POLN: variants seen among roughly 807,000 people sequenced by gnomAD.
POLN encodes the protein DNA polymerase nu.
Under a neutral mutation model 113.5 loss-of-function variants are expected in POLN, and 108 were observed. The observed-to-expected ratio is 0.95, with a 90% CI of 0.81 to 1.12. The LOEUF (loss-of-function observed/expected upper bound fraction) is 1.12. Ranked by LOEUF, POLN falls within the 50% of genes most tolerant of loss-of-function variation. The pLI is 0.00. For synonymous variants in POLN, 386 were observed against 391.5 expected (o/e 0.99, Z 0.17); for missense variants, 1,097 against 1,077.1 (o/e 1.02, Z -0.26).
chr4:2,156,738 G>C (rs1732443146), intron 16 of POLN, 50 bp downstream of exon 16: 2 of 1,497,700 alleles, frequency 1.3e-6, no homozygotes, highest in Middle Eastern at 1.7e-4. Flanking sequence ...AACTTCAATA[G>C]CAAGGCAGGA....
At chr4:2,097,673 T>G (rs1730827785) in intron 19 of POLN, among the ~76,000 whole-genome samples, 2 of 152,180 alleles carry the variant, frequency 1.3e-5, no homozygotes, top group South Asian at 4.1e-4. Context: ...AGTTTTTTCT[T>G]ATTTTTCTTT....
intron 13 of POLN, among the ~76,000 whole-genome samples, chr4:2,163,359 A>C (rs138941976): frequency 0.036 from 5,430 of 152,316 alleles, 133 homozygotes; most frequent in Middle Eastern, 0.17. Flanking sequence ...CTCACAAAAT[A>C]ACTTTCTAAC....
intron 21 of POLN, chr4:2,082,546 T>A (rs1206071410): frequency 1.3e-5 from 2 of 152,274 alleles, no homozygotes; most frequent in African/African-American, 4.8e-5. Context: ...GTTAGCTGAC[T>A]ATATTCCTGA....
chr4:2,233,788 TAA>T (rs1434116622), intron 2 of POLN, among the ~76,000 whole-genome samples: 1 of 152,222 alleles, frequency 6.6e-6, no homozygotes, highest in African/African-American at 2.4e-5. Flanking sequence ...TTGGTTTAAC[TAA>T]GAGTTTTTCT....
intron 5 of POLN, among the ~76,000 whole-genome samples, chr4:2,201,406 T>G (rs1733712637): frequency 6.7e-6 from 1 of 149,716 alleles, no homozygotes; most frequent in Non-Finnish European, 1.5e-5. Flanking sequence ...CAAAATGCTC[T>G]AGAAAATCTC....
At chr4:2,124,108 G>A (rs1331967110) in intron 19 of POLN, among the ~76,000 whole-genome samples, 1 of 152,096 alleles carries the variant, frequency 6.6e-6, no homozygotes, top group Non-Finnish European at 1.5e-5. Context: ...GTTCCATGTT[G>A]TACAATTTCA....
At chr4:2,108,545 T>C (rs1324799840) in intron 19 of POLN, among the ~76,000 whole-genome samples, 1 of 152,234 alleles carries the variant, frequency 6.6e-6, no homozygotes, top group Non-Finnish European at 1.5e-5. Context: ...AGAACAAAAG[T>C]GTAAATTCGG....
intron 19 of POLN, among the ~76,000 whole-genome samples, chr4:2,125,376 C>A (rs1423903282): frequency 6.6e-6 from 1 of 152,158 alleles, no homozygotes; most frequent in Non-Finnish European, 1.5e-5. Flanking sequence ...CTGTCTTAGG[C>A]CTTCTACTTT....
chr4:2,133,345 G>T (rs1032446485), intron 16 of POLN, among the ~76,000 whole-genome samples: 1 of 152,122 alleles, frequency 6.6e-6, no homozygotes, highest in Non-Finnish European at 1.5e-5. Flanking sequence ...AAATCAGTAT[G>T]ACAAATAAGT....
intron 5 of POLN, among the ~76,000 whole-genome samples, chr4:2,205,955 C>G (rs983450136): frequency 2.6e-5 from 4 of 151,356 alleles, no homozygotes; most frequent in Non-Finnish European, 5.9e-5. Context: ...CAAGACTAAG[C>G]AAAAAGAGCA....
chr4:2,084,720 C>T (rs6856975), intron 21 of POLN, among the ~76,000 whole-genome samples: 1 of 152,190 alleles, frequency 6.6e-6, no homozygotes, highest in Non-Finnish European at 1.5e-5. Flanking sequence ...CAGACACTGC[C>T]GGCACCCAGA....
At chr4:2,175,358 C>T (rs1732969984) in intron 9 of POLN, among the ~76,000 whole-genome samples, 2 of 152,116 alleles carry the variant, frequency 1.3e-5, no homozygotes, top group Admixed American at 1.3e-4. Context: ...AGGCCAAGCC[C>T]CATCCTCAAT....
At chr4:2,220,403 G>A (rs756131399) in intron 3 of POLN, among the ~76,000 whole-genome samples, 1 of 152,184 alleles carries the variant, frequency 6.6e-6, no homozygotes, top group African/African-American at 2.4e-5. Flanking sequence ...TTCCTACTGA[G>A]TTTCACAAGC....
intron 21 of POLN, among the ~76,000 whole-genome samples, chr4:2,084,717 T>C (rs1191875930): frequency 1.3e-5 from 2 of 152,200 alleles, no homozygotes; most frequent in Admixed American, 6.5e-5. Context: ...ACACAGACAC[T>C]GCCGGCACCC....
chr4:2,167,478 A>C (rs1732757612), intron 13 of POLN, among the ~76,000 whole-genome samples: 1 of 152,192 alleles, frequency 6.6e-6, no homozygotes, highest in African/African-American at 2.4e-5. Context: ...ACAGGACTCT[A>C]AACTACACTG....
At chr4:2,114,295 T>C (rs1047388456) in intron 19 of POLN, among the ~76,000 whole-genome samples, 2 of 152,068 alleles carry the variant, frequency 1.3e-5, no homozygotes. Flanking sequence ...AAAGATAAAA[T>C]TTAAAAAATA....
Position 2,159,165 on chromosome 4 carries a change from T to G in POLN, c.1601A>C (p.Glu534Ala), listed in dbSNP as rs1317067830. The change falls in exon 14 of 26, where the codon GAA becomes GCA. Residue 534 changes from glutamate to alanine, a missense_variant. Transcript: ENST00000511885. ...AAAAAATTAACTTACCTGCCTGTAT[T>G]CCAAAATTATCTTGGGTAATGGATG... ...DLHPLPKIIL[E>A]YRQVHKIKST... is the part of the protein sequence containing the mutation. The G allele has an allele frequency of 6.2e-7, 1 of 1,607,520 alleles. No individual in the cohort carries two copies. The highest frequency in any genetic ancestry group is 1.3e-5 in the African/African-American group (1 of 74,828).
intron 19 of POLN, among the ~76,000 whole-genome samples, chr4:2,116,360 T>C (rs1731318355): frequency 6.6e-6 from 1 of 152,172 alleles, no homozygotes; most frequent in African/African-American, 2.4e-5. Context: ...AAATCCATGG[T>C]TTTTTCTTTT....
chr4:2,140,354 G>C (rs1202194558), intron 16 of POLN, among the ~76,000 whole-genome samples: 1 of 152,220 alleles, frequency 6.6e-6, no homozygotes, highest in Admixed American at 6.5e-5. Flanking sequence ...TGGGATTACA[G>C]GTGTGAGCCA....
Sources: allele counts gnomAD v4.1 joint callset (sites outside exome capture counted in the v4.1 genomes callset), GRCh38; gene constraint gnomAD v4.1.1; transcripts MANE v1.5; gene names NCBI Gene and HGNC (gene_info 2026-07-23, HGNC 2026-07-21).